AKAP13: variants seen among roughly 807,000 people sequenced by gnomAD.
The protein encoded by AKAP13 is A-kinase anchor protein 13.
A neutral mutation model predicts 264.5 loss-of-function variants in AKAP13; 80 were observed. The ratio of observed to expected loss-of-function variants is 0.30; its 90% CI spans 0.25 to 0.36. AKAP13 has a LOEUF of 0.36. AKAP13 is among the 10% of genes least tolerant of loss of function. AKAP13 has a pLI of 1.00. For missense variants in AKAP13, 3,712 were observed against 3,435.2 expected (o/e 1.08, Z -2.01); for synonymous variants, 1,380 against 1,250.2 (o/e 1.10, Z -2.19).
In AKAP13 at chr15:85,655,420, G is replaced by A; in HGVS notation, c.4378G>A (p.Glu1460Lys). The change falls in exon 11 of 37, where the codon GAG (glutamate) becomes AAG (lysine). Residue 1460 changes from glutamate to lysine, a missense_variant. By Grantham distance (56) the Glu-to-Lys change is moderately conservative (BLOSUM62 1). This residue lies in a region of AKAP13 where 2,759 missense variants were observed against 2,411.7 expected (regional missense o/e 1.14). Coordinates refer to ENST00000394518, the MANE Select transcript of AKAP13 (RefSeq NM_007200.5). The stretch of plus-strand genomic sequence containing the variant: ...ATGTGCTTTCTCTCCATTACAGCCA[G>A]AGGAAGAGCATTTGGCCTGTGATAT... ...DMDSIIFPKP[E>K]EEHLACDITG... is the part of the protein sequence containing the mutation. 6.2e-7 allele frequency: 1 copy of A among 1,612,974 alleles called. No homozygotes were observed. Among genetic ancestry groups the A allele is most frequent in the Non-Finnish European group, 8.5e-7 (1 of 1,179,066 alleles).
At chr15:85,735,527 T>TAAA in intron 31 of AKAP13, 33 bp from the exon 32 acceptor site, 1 of 1,579,514 alleles carries the variant, frequency 6.3e-7, no homozygotes. Context: ...TTTCACAACT[T>TAAA]TAAAAAAAAA....
intron 33 of AKAP13, among the ~76,000 whole-genome samples, chr15:85,738,108 A>G (rs781075751): frequency 4.6e-5 from 7 of 152,140 alleles, no homozygotes; most frequent in Non-Finnish European, 2.9e-5. Flanking sequence ...TAAGAATAAA[A>G]TAAGAGGGGC....
chr15:85,612,944 C>G (rs750250307), intron 8 of AKAP13, among the ~76,000 whole-genome samples: 26 of 152,188 alleles, frequency 1.7e-4, no homozygotes, highest in Middle Eastern at 3.4e-3. Flanking sequence ...TTTGCACTTA[C>G]GGGCTTCATG....
Position 85,499,937 on chromosome 15 carries a change from A to G in AKAP13, c.33+14184A>G, listed in dbSNP as rs915562414. On this transcript the variant is annotated intron_variant, in intron 2 of 36. Transcript: ENST00000394518. ...TGCTCTCATTTTTACTTCAGCTTCT[A>G]TCACAGTACTTTGTGCATCATAATG... Among the ~76,000 whole-genome samples the G allele has an allele frequency of 2.6e-5, 4 of 152,282 alleles. No homozygotes were observed. The South Asian group carries it at 8.3e-4, about 32-fold the overall frequency.
intron 1 of AKAP13, among the ~76,000 whole-genome samples, chr15:85,437,434 A>C (rs1408370123): frequency 1.3e-5 from 2 of 152,078 alleles, no homozygotes; most frequent in Non-Finnish European, 2.9e-5. Context: ...TATTCCAATC[A>C]ATAGAAAAAG....
At chr15:85,424,373 T>C (rs765405525) in intron 1 of AKAP13, among the ~76,000 whole-genome samples, 19 of 152,348 alleles carry the variant, frequency 1.2e-4, no homozygotes, top group Admixed American at 5.2e-4. Flanking sequence ...TTTTATGTTA[T>C]GGAGATAGCT....
intron 23 of AKAP13, among the ~76,000 whole-genome samples, chr15:85,720,849 A>AG (rs778746886): frequency 2.0e-5 from 3 of 152,228 alleles, no homozygotes; most frequent in African/African-American, 7.2e-5. Context: ...AGAACTACAA[A>AG]GGGGGATATG....
chr15:85,580,420 T>C lies in AKAP13; in HGVS notation c.2352T>C (p.Thr784=), dbSNP rs370304640. 10 of 1,614,102 alleles carry C rather than the reference T, an allele frequency of 6.2e-6. No homozygotes were observed. The highest frequency in any genetic ancestry group is 2.7e-5 in the African/African-American group (2 of 74,938). ...ACCAGGCAGTAATATCAGACAGTAC[T>C]TTCTCTCTGGCAAACAGTCCAGGCA... ...VPDQAVISDS[T]FSLANSPGSE... is the part of the protein sequence containing the mutation. The change falls in exon 7 of 37, where the codon ACT becomes ACC. Residue 784 remains threonine, a synonymous_variant. Coordinates refer to ENST00000394518, the MANE Select transcript of AKAP13 (RefSeq NM_007200.5).
At chr15:85,451,350 G>A (rs1390291900) in intron 1 of AKAP13, among the ~76,000 whole-genome samples, 1 of 152,096 alleles carries the variant, frequency 6.6e-6, no homozygotes, top group Admixed American at 6.6e-5. Flanking sequence ...CTTTTAAGTG[G>A]GGGCATTTAG....
At chr15:85,462,189 C>T (rs1032600501) in intron 1 of AKAP13, among the ~76,000 whole-genome samples, 2 of 152,182 alleles carry the variant, frequency 1.3e-5, no homozygotes, top group African/African-American at 4.8e-5. Context: ...CATGTGACAG[C>T]TGGAAGTCCA....
At chr15:85,584,704 T>G (rs1286662877) in intron 7 of AKAP13, among the ~76,000 whole-genome samples, 1 of 152,248 alleles carries the variant, frequency 6.6e-6, no homozygotes, top group Non-Finnish European at 1.5e-5. Flanking sequence ...TAGACTTTTG[T>G]ACATGTCATG....
intron 8 of AKAP13, among the ~76,000 whole-genome samples, chr15:85,587,928 G>A (rs899392235): frequency 2.6e-5 from 4 of 152,114 alleles, no homozygotes; most frequent in African/African-American, 7.2e-5. Context: ...AAGTACAGGC[G>A]TGAGCCTGTG....
intron 1 of AKAP13, among the ~76,000 whole-genome samples, chr15:85,397,340 A>G (rs2071166995): frequency 6.6e-6 from 1 of 152,170 alleles, no homozygotes; most frequent in Non-Finnish European, 1.5e-5. Flanking sequence ...TGCTTTGCCA[A>G]AAGTGCTTGT....
chr15:85,748,010 C>T lies in AKAP13; in HGVS notation c.*3333C>T, dbSNP rs2089419957. On this transcript the variant is annotated 3_prime_UTR_variant, in exon 37 of 37. Coordinates refer to ENST00000394518, the MANE Select transcript of AKAP13 (RefSeq NM_007200.5). ...CATGCAAGGGTTGAACTAGATAGAC[C>T]CTGCCTTAGTAGAGGGTGGGACTAT... The T allele has an allele frequency of 1.3e-5, 2 of 152,372 alleles. No individual in the cohort carries two copies. Among genetic ancestry groups the T allele is most frequent in the South Asian group, 4.1e-4 (2 of 4,820 alleles). The allele number at this position is 152,372 out of a possible 1,614,324, so 9.4% of individuals were successfully genotyped here.
At chr15:85,468,561 G>T (rs1348387062) in intron 1 of AKAP13, among the ~76,000 whole-genome samples, 1 of 152,100 alleles carries the variant, frequency 6.6e-6, no homozygotes, top group South Asian at 2.1e-4. Context: ...GAGATGTCTT[G>T]GTTCTCTCAG....
chr15:85,648,331 A>C (rs542903450), intron 10 of AKAP13, among the ~76,000 whole-genome samples: 1 of 152,154 alleles, frequency 6.6e-6, no homozygotes, highest in East Asian at 1.9e-4. Context: ...CTTCCTTGCA[A>C]CCTCCTAGGT....
chr15:85,456,550 GT>G (rs34952196), intron 1 of AKAP13, among the ~76,000 whole-genome samples: 52,762 of 121,248 alleles, frequency 0.44, 8,229 homozygotes, highest in African/African-American at 0.53. Context: ...CCCACTTTCT[GT>G]TTTTTTTTTT....
intron 30 of AKAP13, 77 bp from the exon 31 acceptor site, chr15:85,734,915 G>T: frequency 6.5e-7 from 1 of 1,538,994 alleles, no homozygotes; most frequent in Non-Finnish European, 8.8e-7. Flanking sequence ...CTCTTTGTAC[G>T]TATCATATAT....
intron 1 of AKAP13, among the ~76,000 whole-genome samples, chr15:85,470,182 G>A (rs537998753): frequency 2.2e-4 from 34 of 152,172 alleles, no homozygotes; most frequent in African/African-American, 7.7e-4. Context: ...CCAGCTACTC[G>A]GGAGGCTGAG....
Sources: allele counts gnomAD v4.1 joint callset (sites outside exome capture counted in the v4.1 genomes callset), GRCh38; gene constraint gnomAD v4.1.1; regional missense constraint gnomAD v4.1.1; transcripts MANE v1.5; gene names NCBI Gene and HGNC (gene_info 2026-07-23, HGNC 2026-07-21).